The following NFIA variants were observed in gnomAD, a reference collection of about 807,000 sequenced individuals.
NFIA encodes nuclear factor I A, also known as nuclear factor 1 A-type.
In NFIA, 8 loss-of-function variants were observed where a neutral mutation model predicts 62.8. The ratio of observed to expected loss-of-function variants is 0.13; its 90% CI spans 0.07 to 0.23. The LOEUF (loss-of-function observed/expected upper bound fraction) is 0.23. Ranked by LOEUF, NFIA falls within the 10% of genes least tolerant of loss-of-function variation. The probability of loss-of-function intolerance (pLI) is 1.00; values close to 1 mark genes in which losing one functional copy is unlikely to be tolerated. For synonymous variants in NFIA, 235 were observed against 238.1 expected (o/e 0.99, Z 0.12); for missense variants, 410 against 642.1 (o/e 0.64, Z 3.91).
intron 2 of NFIA, among the ~76,000 whole-genome samples, chr1:61,225,235 A>G (rs1403877781): frequency 2.0e-5 from 3 of 150,950 alleles, no homozygotes; most frequent in African/African-American, 7.3e-5. Flanking sequence ...AAGCCATTAC[A>G]TGAGTTTTTA....
At chr1:61,081,952 G>A, upstream of NFIA, 6 of 1,550,484 alleles carry the variant, frequency 3.9e-6, no homozygotes, top group African/African-American at 1.4e-5. Context: ...ACATGCAAAT[G>A]TGCCGCCCGG....
At chr1:61,249,756 T>C (rs1036290180) in intron 2 of NFIA, among the ~76,000 whole-genome samples, 1 of 152,036 alleles carries the variant, frequency 6.6e-6, no homozygotes, top group Non-Finnish European at 1.5e-5. Context: ...AGTGAGCCAG[T>C]GAGCCAAGAT....
intron 4 of NFIA, among the ~76,000 whole-genome samples, chr1:61,347,834 G>A (rs767605965): frequency 6.6e-6 from 1 of 152,144 alleles, no homozygotes; most frequent in East Asian, 1.9e-4. Flanking sequence ...GAGTCAGTGT[G>A]GCGCAGTAAG....
chr1:61,438,601 T>C (rs1667436721), intron 10 of NFIA, among the ~76,000 whole-genome samples: 1 of 152,144 alleles, frequency 6.6e-6, no homozygotes, highest in Non-Finnish European at 1.5e-5. Context: ...CTTAGCATAC[T>C]CCCAAGGAGC....
At chr1:61,386,848 T>C (rs1664713320) in intron 7 of NFIA, among the ~76,000 whole-genome samples, 1 of 152,320 alleles carries the variant, frequency 6.6e-6, no homozygotes, top group African/African-American at 2.4e-5. Context: ...AGAAATGTAT[T>C]GCTCACAGTT....
intron 4 of NFIA, among the ~76,000 whole-genome samples, chr1:61,334,529 GTATATA>G (rs1285574400): frequency 2.0e-4 from 8 of 39,878 alleles, no homozygotes; most frequent in East Asian, 1.1e-3. Flanking sequence ...TTGTGTGTGT[GTATATA>G]TGTGTGTGTG....
chr1:61,197,897 C>G (rs1475505120), intron 2 of NFIA, among the ~76,000 whole-genome samples: 1 of 152,046 alleles, frequency 6.6e-6, no homozygotes, highest in African/African-American at 2.4e-5. Context: ...AGGAGAATCG[C>G]TTGAACCCGA....
chr1:61,136,732 G>T (rs972234862), intron 2 of NFIA, among the ~76,000 whole-genome samples: 7 of 151,488 alleles, frequency 4.6e-5, no homozygotes, highest in Non-Finnish European at 1.0e-4. Flanking sequence ...ACACAATTAT[G>T]GGCTGACTTG....
intron 6 of NFIA, among the ~76,000 whole-genome samples, chr1:61,364,929 AC>A (rs1345651373): frequency 6.6e-6 from 1 of 152,042 alleles, no homozygotes; most frequent in Non-Finnish European, 1.5e-5. Flanking sequence ...AAAATAGAGA[AC>A]CCTGGCCGGG....
intron 4 of NFIA, among the ~76,000 whole-genome samples, chr1:61,335,363 C>T (rs771369394): frequency 7.9e-5 from 12 of 151,696 alleles, no homozygotes; most frequent in Admixed American, 5.2e-4. Flanking sequence ...TCGTCACCTA[C>T]GCACCCTCCT....
In NFIA at chr1:61,166,725, G is replaced by A. The variant is rs116713158; in HGVS notation, c.559+78045G>A. Among the ~76,000 whole-genome samples, 1,323 of 152,208 alleles carry A rather than the reference G, an allele frequency of 8.7e-3. 20 individuals are homozygous for A. Among genetic ancestry groups the A allele is most frequent in the African/African-American group, 0.03 (1,236 of 41,482 alleles). On this transcript the variant is annotated intron_variant, in intron 2 of 10. Transcript: ENST00000403491. ...ATTTTAACTCATGAAAGAAACCTGG[G>A]AGTATAGGCTCTCTCAGCATGATTA...
rs371676432 is a variant in NFIA at position 61,165,409 on chromosome 1, A to G, written c.559+76729A>G. Among the ~76,000 whole-genome samples, 39 of 152,346 alleles carry G rather than the reference A, an allele frequency of 2.6e-4. 1 individual carries two copies. Among genetic ancestry groups the G allele is most frequent in the African/African-American group, 9.4e-4 (39 of 41,580 alleles). On this transcript the variant is annotated intron_variant, in intron 2 of 10. Transcript: ENST00000403491. ...GCCATTTTAAGCTGATTAAAAGTATATTCTATATGCATGTATGTAGTTGAA... is the reference window on the plus strand; with the variant it reads ...GCCATTTTAAGCTGATTAAAAGTATGTTCTATATGCATGTATGTAGTTGAA...
intron 3 of NFIA, among the ~76,000 whole-genome samples, chr1:61,280,799 A>G (rs2100283972): frequency 6.6e-6 from 1 of 152,364 alleles, no homozygotes; most frequent in East Asian, 1.9e-4. Flanking sequence ...CAGCGATAAA[A>G]TATCAGAAGC....
intron 2 of NFIA, among the ~76,000 whole-genome samples, chr1:61,231,036 T>C (rs1017856606): frequency 6.6e-6 from 1 of 152,212 alleles, no homozygotes; most frequent in African/African-American, 2.4e-5. Context: ...ACAGTACTTA[T>C]CACATTATAC....
chr1:61,088,755 A>T lies in NFIA; in HGVS notation c.559+75A>T, dbSNP rs1646264509. On this transcript the variant is annotated intron_variant, in intron 2 of 10. Coordinates refer to ENST00000403491, the MANE Select transcript of NFIA (RefSeq NM_001134673.4). This position sits in a 1 kb window ranked among gnomAD's most constrained non-coding sequence, Gnocchi z 4.5. ...CCTGATGGCCTCCGCGTTATGCCGG[A>T]TTCTTCCTGAGCTCCCCAAGTTGCA... 2 of 1,503,800 alleles carry T rather than the reference A, an allele frequency of 1.3e-6. No individual in the cohort carries two copies. The highest frequency in any genetic ancestry group is 4.0e-5 in the Admixed American group (2 of 49,424). 93.2% of individuals were successfully genotyped at this position (1,503,800 alleles called of 1,614,324 possible).
chr1:61,156,060 G>T (rs1390839518), intron 2 of NFIA, among the ~76,000 whole-genome samples: 1 of 152,144 alleles, frequency 6.6e-6, no homozygotes, highest in Non-Finnish European at 1.5e-5. Flanking sequence ...TTTGAACCCG[G>T]GAGGCGGAGG....
intron 2 of NFIA, among the ~76,000 whole-genome samples, chr1:61,219,196 A>C (rs11806791): frequency 0.094 from 14,238 of 151,206 alleles, 850 homozygotes; most frequent in African/African-American, 0.17. Flanking sequence ...CAGGTCACTG[A>C]TCTCCAGCCT....
intron 10 of NFIA, among the ~76,000 whole-genome samples, chr1:61,442,707 A>G (rs1354819083): frequency 6.6e-6 from 1 of 152,236 alleles, no homozygotes; most frequent in Non-Finnish European, 1.5e-5. Context: ...AAAAATACAC[A>G]AAAGAAAGAA....
chr1:61,344,845 A>T (rs1466260896), intron 4 of NFIA, among the ~76,000 whole-genome samples: 3 of 152,158 alleles, frequency 2.0e-5, no homozygotes, highest in Non-Finnish European at 4.4e-5. Context: ...ATTTGTATGG[A>T]AATTTTTTCC....
Sources: allele counts gnomAD v4.1 joint callset (sites outside exome capture counted in the v4.1 genomes callset), GRCh38; gene constraint gnomAD v4.1.1; non-coding constraint Gnocchi (gnomAD v3.1); transcripts MANE v1.5; gene names NCBI Gene and HGNC (gene_info 2026-07-23, HGNC 2026-07-21).